The following SETBP1 variants were observed in gnomAD, a reference collection of about 807,000 sequenced individuals.
SETBP1 encodes SET binding protein 1.
Under a neutral mutation model 101.0 loss-of-function variants are expected in SETBP1, and 9 were observed. The ratio of observed to expected loss-of-function variants is 0.09; its 90% CI spans 0.05 to 0.16. The LOEUF (loss-of-function observed/expected upper bound fraction) is 0.16, where lower values mean the gene tolerates loss of function less well. SETBP1 is among the 10% of genes least tolerant of loss of function. The pLI is 1.00. For synonymous variants in SETBP1, 818 were observed against 788.5 expected, an observed-to-expected ratio of 1.04 and a Z score of -0.63; for missense variants, 1,858 against 2,033.8, an observed-to-expected ratio of 0.91 and a Z score of 1.66.
At chr18:44,947,654 G>T (rs11877170) in intron 3 of SETBP1, among the ~76,000 whole-genome samples, 2 of 151,846 alleles carry the variant, frequency 1.3e-5, no homozygotes, top group Admixed American at 6.6e-5. Context: ...TTACAGGCAT[G>T]CACCACCAAG....
In SETBP1 at chr18:45,063,716, G is replaced by A. The variant is rs779161942; in HGVS notation, c.*18G>A. Reference sequence around the variant, plus strand: ...TTCCCTAGGGCGGGTCTGGGCGTCTGCACCTGGGGCCTAGGGAACTGACAC... The same window carrying A: ...TTCCCTAGGGCGGGTCTGGGCGTCTACACCTGGGGCCTAGGGAACTGACAC... On this transcript the variant is annotated 3_prime_UTR_variant, in exon 6 of 6. Transcript: ENST00000649279. 4 of 1,598,598 alleles carry A rather than the reference G, an allele frequency of 2.5e-6. No homozygotes were observed. The Admixed American group carries it at 5.1e-5, about 21-fold the overall frequency.
chr18:44,980,011 C>T (rs1486841123), intron 4 of SETBP1, among the ~76,000 whole-genome samples: 1 of 152,036 alleles, frequency 6.6e-6, no homozygotes, highest in African/African-American at 2.4e-5. Context: ...CACTGTGTGC[C>T]CAGACTGTCT....
chr18:45,008,339 G>A (rs1282045471), intron 4 of SETBP1, among the ~76,000 whole-genome samples: 3 of 152,240 alleles, frequency 2.0e-5, no homozygotes, highest in South Asian at 2.1e-4. Flanking sequence ...AGTCTTCATC[G>A]AAGACCATGT....
intron 4 of SETBP1, among the ~76,000 whole-genome samples, chr18:45,002,150 T>C (rs2072630698): frequency 6.6e-6 from 1 of 151,984 alleles, no homozygotes; most frequent in African/African-American, 2.4e-5. Context: ...CACCCATCCC[T>C]CTCCACCTTC....
chr18:44,766,316 G>A (rs1040734625), intron 2 of SETBP1, among the ~76,000 whole-genome samples: 2 of 152,180 alleles, frequency 1.3e-5, no homozygotes, highest in Non-Finnish European at 2.9e-5. Flanking sequence ...TTGTAGTCTT[G>A]ATTTTTCAGG....
At chr18:44,907,791 A>G (rs1031560925) in intron 3 of SETBP1, among the ~76,000 whole-genome samples, 4 of 152,122 alleles carry the variant, frequency 2.6e-5, no homozygotes, top group South Asian at 2.1e-4. Flanking sequence ...CTTTTATTGT[A>G]TGAGGTGTCT....
At chr18:44,839,813 G>A (rs1432385685) in intron 2 of SETBP1, among the ~76,000 whole-genome samples, 3 of 152,148 alleles carry the variant, frequency 2.0e-5, no homozygotes, top group Non-Finnish European at 4.4e-5. Flanking sequence ...ATGAATAGAT[G>A]GACAGATAAA....
intron 3 of SETBP1, among the ~76,000 whole-genome samples, chr18:44,913,478 G>A (rs993929663): frequency 3.3e-5 from 5 of 152,214 alleles, no homozygotes; most frequent in African/African-American, 1.2e-4. Flanking sequence ...ATGCATAGAG[G>A]GTGCAGGGCC....
chr18:44,925,685 A>C (rs1342710216), intron 3 of SETBP1, among the ~76,000 whole-genome samples: 1 of 152,252 alleles, frequency 6.6e-6, no homozygotes, highest in Admixed American at 6.5e-5. Flanking sequence ...CAGGGAGTAC[A>C]TTCAGCATTC....
At chr18:44,959,976 A>T (rs2071575222) in intron 4 of SETBP1, among the ~76,000 whole-genome samples, 1 of 152,114 alleles carries the variant, frequency 6.6e-6, no homozygotes, top group Admixed American at 6.6e-5. Flanking sequence ...CAGTGGTACG[A>T]TCTCACCTCA....
At chr18:44,853,883 A>G (rs2072920167) in intron 2 of SETBP1, among the ~76,000 whole-genome samples, 1 of 152,178 alleles carries the variant, frequency 6.6e-6, no homozygotes, top group Non-Finnish European at 1.5e-5. Flanking sequence ...ACAGCTCTTC[A>G]GTTAGCAACT....
chr18:44,881,444 G>C (rs2069528021), intron 3 of SETBP1, among the ~76,000 whole-genome samples: 1 of 152,202 alleles, frequency 6.6e-6, no homozygotes, highest in South Asian at 2.1e-4. Flanking sequence ...CAGCAGAAAA[G>C]AGCAATCAGC....
intron 4 of SETBP1, among the ~76,000 whole-genome samples, chr18:45,003,002 A>G (rs1318835318): frequency 1.3e-5 from 2 of 152,202 alleles, no homozygotes; most frequent in African/African-American, 4.8e-5. Context: ...AGATTGATCC[A>G]TTTAAGAAAT....
At position 44,972,373 on chromosome 18, in the gene SETBP1, G is replaced by C. The variant is rs559800159; in HGVS notation, c.4000+19033G>C. On this transcript the variant is annotated intron_variant, in intron 4 of 5. Transcript: ENST00000649279. ...TGGCGATGCGGGCTCTTTTTTGGTT[G>C]CATATGAACTTTAAAGTAGTTTTTT... 6.1e-4 allele frequency among the ~76,000 whole-genome samples: 93 copies of C among 152,128 alleles called. 1 individual carries two copies. The highest frequency in any genetic ancestry group is 2.2e-3 in the African/African-American group (90 of 41,508).
intron 2 of SETBP1, among the ~76,000 whole-genome samples, chr18:44,753,394 G>C (rs1306447541): frequency 6.6e-6 from 1 of 152,196 alleles, no homozygotes; most frequent in Non-Finnish European, 1.5e-5. Context: ...CTGGCCCCCA[G>C]GTGTCCTAAG....
intron 3 of SETBP1, among the ~76,000 whole-genome samples, chr18:44,930,618 G>A (rs1474974623): frequency 6.6e-6 from 1 of 152,090 alleles, no homozygotes; most frequent in Non-Finnish European, 1.5e-5. Context: ...TTCAGAACCT[G>A]TTATTGGTCT....
chr18:44,721,882 C>T (rs1015714346), intron 2 of SETBP1, among the ~76,000 whole-genome samples: 4 of 152,226 alleles, frequency 2.6e-5, no homozygotes, highest in Admixed American at 6.5e-5. Context: ...GAGAAGCTAC[C>T]TAAGCCATCT....
At chr18:44,920,808 A>G in intron 3 of SETBP1, among the ~76,000 whole-genome samples, 1 of 152,146 alleles carries the variant, frequency 6.6e-6, no homozygotes, top group African/African-American at 2.4e-5. Flanking sequence ...ATGCTTTAAG[A>G]GTATACTGAT....
chr18:44,878,425 G>A (rs1002386644), intron 3 of SETBP1, among the ~76,000 whole-genome samples: 6 of 151,830 alleles, frequency 4.0e-5, no homozygotes, highest in Admixed American at 1.3e-4. Context: ...GAGACCTGGG[G>A]TTATTGATGT....
Sources: allele counts gnomAD v4.1 joint callset (sites outside exome capture counted in the v4.1 genomes callset), GRCh38; gene constraint gnomAD v4.1.1; transcripts MANE v1.5; gene names NCBI Gene and HGNC (gene_info 2026-07-23, HGNC 2026-07-21).